The following ARHGEF38 variants were observed in gnomAD, a reference collection of about 807,000 sequenced individuals.
The protein encoded by ARHGEF38 is Rho guanine nucleotide exchange factor 38, also known as Rho guanine nucleotide exchange factor (GEF) 38.
A neutral mutation model predicts 79.9 loss-of-function variants in ARHGEF38; 79 were observed. The ratio of observed to expected loss-of-function variants is 0.99; its 90% confidence interval spans 0.82 to 1.19. The LOEUF (loss-of-function observed/expected upper bound fraction) is 1.19. ARHGEF38 is among the 50% of genes most tolerant of loss of function. The pLI, the probability that ARHGEF38 is intolerant of heterozygous loss-of-function variation, is 0.00. For synonymous variants in ARHGEF38, 366 were observed against 328.3 expected (o/e 1.11, Z -1.24); for missense variants, 962 against 907.2 (o/e 1.06, Z -0.78).
intron 2 of ARHGEF38, among the ~76,000 whole-genome samples, chr4:105,610,675 C>T (rs577814984): frequency 6.6e-6 from 1 of 152,116 alleles, no homozygotes; most frequent in South Asian, 2.1e-4. Context: ...CCCATGGGCT[C>T]ATAGTGATAT....
At chr4:105,661,336 C>G (rs1189380285) in intron 10 of ARHGEF38, among the ~76,000 whole-genome samples, 1 of 151,818 alleles carries the variant, frequency 6.6e-6, no homozygotes, top group Admixed American at 6.6e-5. Context: ...TGATTATATA[C>G]CTAGGAGTGG....
intron 7 of ARHGEF38, among the ~76,000 whole-genome samples, chr4:105,649,963 T>C (rs933256093): frequency 6.6e-6 from 1 of 152,236 alleles, no homozygotes. Flanking sequence ...TGTAATCATC[T>C]GTAAATTCGG....
Position 105,609,614 on chromosome 4 carries a change from T to G in ARHGEF38, c.385-3770T>G, listed in dbSNP as rs531470998. On this transcript the variant is annotated intron_variant, in intron 2 of 13. Transcript: ENST00000420470. ...AGAAATAGAAAGACAACCTTAAAAT[T>G]TATATGCAACCACACAAGACCCTGA... 2.5e-4 allele frequency among the ~76,000 whole-genome samples: 38 copies of G among 152,172 alleles called. 1 individual carries two copies. In the South Asian group the frequency reaches 7.9e-3, roughly 32 times the overall value.
At chr4:105,579,989 T>C (rs898146779) in intron 1 of ARHGEF38, among the ~76,000 whole-genome samples, 1 of 152,190 alleles carries the variant, frequency 6.6e-6, no homozygotes, top group African/African-American at 2.4e-5. Context: ...AATTTATCCA[T>C]TTCATCTAGA....
intron 10 of ARHGEF38, among the ~76,000 whole-genome samples, chr4:105,660,436 T>TA (rs1386800359): frequency 1.4e-5 from 2 of 145,528 alleles, no homozygotes; most frequent in African/African-American, 5.0e-5. Context: ...TCCTCATTCT[T>TA]TTTTTTTTTT....
chr4:105,649,264 C>T (rs1421430300), intron 7 of ARHGEF38, among the ~76,000 whole-genome samples: 1 of 152,170 alleles, frequency 6.6e-6, no homozygotes, highest in African/African-American at 2.4e-5. Context: ...GCTTGAGCCA[C>T]TGTCATCCCA....
chr4:105,579,460 A>G (rs1291358899), intron 1 of ARHGEF38, among the ~76,000 whole-genome samples: 1 of 152,202 alleles, frequency 6.6e-6, no homozygotes, highest in Non-Finnish European at 1.5e-5. Flanking sequence ...AACCGTATCA[A>G]AAGCCTTTTC....
intron 9 of ARHGEF38, 143 bp downstream of exon 9, chr4:105,655,865 A>AT (rs1354981339): frequency 9.4e-6 from 9 of 959,892 alleles, no homozygotes; most frequent in African/African-American, 3.3e-5. Context: ...TTTAAATGGG[A>AT]TTTTTTTAAA....
chr4:105,668,169 T>A (rs1016011568), intron 13 of ARHGEF38, among the ~76,000 whole-genome samples: 6 of 151,892 alleles, frequency 4.0e-5, no homozygotes, highest in Middle Eastern at 3.2e-3. Flanking sequence ...ACACTATATA[T>A]GGAAACTTTT....
At chr4:105,681,247 AC>A (rs1347708480), downstream of ARHGEF38, among the ~76,000 whole-genome samples, 1 of 152,008 alleles carries the variant, frequency 6.6e-6, no homozygotes, top group Non-Finnish European at 1.5e-5. Context: ...ATAATTTAGC[AC>A]CATTATTTAA....
At chr4:105,614,809 G>T (rs1411451592) in intron 3 of ARHGEF38, among the ~76,000 whole-genome samples, 1 of 152,114 alleles carries the variant, frequency 6.6e-6, no homozygotes, top group Non-Finnish European at 1.5e-5. Context: ...ACAAGATTTG[G>T]TACTGTACCA....
intron 1 of ARHGEF38, chr4:105,561,494 A>AGAATAGAATAGAATAGAATAGAATG (rs1725605921): frequency 1.2e-5 from 1 of 80,778 alleles, no homozygotes; most frequent in South Asian, 4.1e-4. Flanking sequence ...AGAATAGAAT[A>AGAATAGAATAGAATAGAATAGAATG]GAATAGAATA....
chr4:105,646,268 G>A (rs183427110), intron 6 of ARHGEF38, among the ~76,000 whole-genome samples: 68 of 152,246 alleles, frequency 4.5e-4, no homozygotes, highest in African/African-American at 1.4e-3. Context: ...AGAAAACTCC[G>A]TGAACAAAAT....
chr4:105,657,898 G>GA (rs1023660172), intron 9 of ARHGEF38, among the ~76,000 whole-genome samples: 45 of 152,112 alleles, frequency 3.0e-4, no homozygotes, highest in African/African-American at 1.1e-3. Context: ...GATTCCCTAG[G>GA]ATAGCTTTCG....
rs1390580520 is a variant in ARHGEF38, at chr4:105,639,285, T to A, written c.674+2865T>A. On this transcript the variant is annotated intron_variant, in intron 5 of 13. Transcript: ENST00000420470. Reference sequence around the variant, plus strand: ...TCTTTAATTAGTGCATATTAACCTTTGTCTTATGTATTATATATAATTTTT... The same window carrying A: ...TCTTTAATTAGTGCATATTAACCTTAGTCTTATGTATTATATATAATTTTT... Among the ~76,000 whole-genome samples the A allele has an allele frequency of 5.3e-5, 8 of 152,162 alleles. No individual in the cohort carries two copies. The East Asian group carries it at 1.5e-3, about 29-fold the overall frequency.
chr4:105,681,674 T>C (rs1423422626), downstream of ARHGEF38, among the ~76,000 whole-genome samples: 2 of 152,210 alleles, frequency 1.3e-5, no homozygotes, highest in Non-Finnish European at 2.9e-5. Flanking sequence ...TGTTCCATTA[T>C]TGCAATGCTC....
chr4:105,682,297 G>C (rs1047186881), downstream of ARHGEF38, among the ~76,000 whole-genome samples: 2 of 152,152 alleles, frequency 1.3e-5, no homozygotes, highest in Non-Finnish European at 2.9e-5. Flanking sequence ...GGGAGAGTCA[G>C]TTGAAATGGG....
intron 1 of ARHGEF38, among the ~76,000 whole-genome samples, chr4:105,588,837 A>G (rs996243110): frequency 6.6e-6 from 1 of 152,234 alleles, no homozygotes; most frequent in Non-Finnish European, 1.5e-5. Flanking sequence ...TTTTAATAGC[A>G]GTGACAAAAT....
intron 2 of ARHGEF38, among the ~76,000 whole-genome samples, chr4:105,593,007 G>T (rs564705843): frequency 1.3e-3 from 200 of 151,918 alleles, no homozygotes; most frequent in African/African-American, 4.6e-3. Flanking sequence ...CCCTCCTTAT[G>T]GAATCATTCA....
Sources: allele counts gnomAD v4.1 joint callset (sites outside exome capture counted in the v4.1 genomes callset), GRCh38; gene constraint gnomAD v4.1.1; transcripts MANE v1.5; gene names NCBI Gene and HGNC (gene_info 2026-07-23, HGNC 2026-07-21).